The following ZCCHC7 variants were observed in gnomAD, a reference collection of about 807,000 sequenced individuals.
The protein encoded by ZCCHC7 is zinc finger CCHC-type containing 7, also known as zinc finger CCHC domain-containing protein 7.
Under a neutral mutation model 52.0 loss-of-function variants are expected in ZCCHC7, and 35 were observed. That is an observed-to-expected ratio of 0.67 (90% CI 0.51 to 0.89). ZCCHC7 has a LOEUF of 0.89. Ranked by LOEUF, ZCCHC7 falls within the 40% of genes least tolerant of loss-of-function variation. ZCCHC7 has a pLI of 0.00. For synonymous variants in ZCCHC7, 217 were observed against 221.5 expected (o/e 0.98, Z 0.18); for missense variants, 574 against 649.1 (o/e 0.88, Z 1.26).
intron 2 of ZCCHC7, among the ~76,000 whole-genome samples, chr9:37,184,855 CG>C (rs1822566490): frequency 6.6e-6 from 1 of 152,022 alleles, no homozygotes. Context: ...ATTGTTTTTA[CG>C]TATGAATGTT....
chr9:37,253,959 AGTT>A (rs1176876298), intron 2 of ZCCHC7, among the ~76,000 whole-genome samples: 3 of 151,960 alleles, frequency 2.0e-5, no homozygotes, highest in South Asian at 2.1e-4. Context: ...CAGTTTTGCC[AGTT>A]GTTTAAATTT....
chr9:37,350,122 T>TG (rs1208703411), intron 7 of ZCCHC7, among the ~76,000 whole-genome samples: 2 of 137,996 alleles, frequency 1.4e-5, no homozygotes, highest in African/African-American at 2.9e-5. Flanking sequence ...GGGGTTTGTT[T>TG]TTTTTTTTTT....
Position 37,199,706 on chromosome 9 carries a change from TTCTG to T in ZCCHC7, c.610+72768_610+72771del, listed in dbSNP as rs1297275847. Among the ~76,000 whole-genome samples, 11 of 149,600 alleles carry T rather than the reference TTCTG, an allele frequency of 7.4e-5. 1 individual carries two copies. The highest frequency in any genetic ancestry group is 4.0e-4 in the East Asian group (2 of 5,024). On this transcript the variant is annotated intron_variant, in intron 2 of 8. Coordinates refer to ENST00000336755, the MANE Select transcript of ZCCHC7 (RefSeq NM_032226.3). ...TGTCTGTCTTTCTGTCTGTCTTTCTTTCTGTCTTTCTTTCTTTCTTTCTCCTTTT... is the reference window on the plus strand; with the variant it reads ...TGTCTGTCTTTCTGTCTGTCTTTCTTTCTTTCTTTCTTTCTTTCTCCTTTT...
At chr9:37,154,642 T>G (rs1259983376) in intron 2 of ZCCHC7, among the ~76,000 whole-genome samples, 1 of 150,088 alleles carries the variant, frequency 6.7e-6, no homozygotes, top group African/African-American at 2.5e-5. Flanking sequence ...CCACCATGCC[T>G]GGGTGATTTT....
intron 2 of ZCCHC7, among the ~76,000 whole-genome samples, chr9:37,134,802 C>T (rs549943011): frequency 1.3e-5 from 2 of 152,200 alleles, no homozygotes; most frequent in South Asian, 2.1e-4. Flanking sequence ...CTCAGCTCAC[C>T]GCAACTTCCG....
At chr9:37,268,106 G>A (rs550441896) in intron 2 of ZCCHC7, among the ~76,000 whole-genome samples, 117 of 152,280 alleles carry the variant, frequency 7.7e-4, no homozygotes, top group Middle Eastern at 6.8e-3. Flanking sequence ...TCACTAACTT[G>A]ATTGGAAGTT....
chr9:37,252,050 A>G (rs1294900022), intron 2 of ZCCHC7, among the ~76,000 whole-genome samples: 1 of 152,128 alleles, frequency 6.6e-6, no homozygotes, highest in Non-Finnish European at 1.5e-5. Context: ...ACATACCATT[A>G]TTTAATAATA....
At chr9:37,212,532 T>TAAAA in intron 2 of ZCCHC7, among the ~76,000 whole-genome samples, 1 of 152,308 alleles carries the variant, frequency 6.6e-6, no homozygotes, top group Non-Finnish European at 1.5e-5. Flanking sequence ...CTTTTCTTTT[T>TAAAA]AGTTGGCTAT....
chr9:37,133,929 G>A (rs1444735507), intron 2 of ZCCHC7, among the ~76,000 whole-genome samples: 4 of 152,114 alleles, frequency 2.6e-5, no homozygotes, highest in African/African-American at 9.7e-5. Context: ...TCAGCATGTT[G>A]GCTAGACTGG....
chr9:37,195,030 T>C (rs1823217964), intron 2 of ZCCHC7, among the ~76,000 whole-genome samples: 1 of 147,632 alleles, frequency 6.8e-6, no homozygotes, highest in African/African-American at 2.5e-5. Flanking sequence ...CACTGCAACC[T>C]CCACCACCCG....
At chr9:37,128,706 A>G (rs1005394763) in intron 2 of ZCCHC7, among the ~76,000 whole-genome samples, 3 of 152,218 alleles carry the variant, frequency 2.0e-5, no homozygotes, top group Admixed American at 2.0e-4. Context: ...AAATCATTGC[A>G]CTTGAGTGAA....
intron 2 of ZCCHC7, among the ~76,000 whole-genome samples, chr9:37,133,511 G>A (rs887830472): frequency 2.6e-5 from 4 of 151,542 alleles, no homozygotes; most frequent in Non-Finnish European, 5.9e-5. Flanking sequence ...GAATAGCTGC[G>A]AATGCAGGTA....
chr9:37,276,570 A>G (rs1472657323), intron 2 of ZCCHC7, among the ~76,000 whole-genome samples: 1 of 152,202 alleles, frequency 6.6e-6, no homozygotes, highest in African/African-American at 2.4e-5. Flanking sequence ...GCAGTCCCTC[A>G]ATAGATGTTA....
intron 2 of ZCCHC7, among the ~76,000 whole-genome samples, chr9:37,289,093 A>G (rs901999243): frequency 6.7e-6 from 1 of 150,020 alleles, no homozygotes; most frequent in African/African-American, 2.4e-5. Context: ...AGTAATTATC[A>G]TTTTAGTTGC....
intron 2 of ZCCHC7, among the ~76,000 whole-genome samples, chr9:37,291,898 G>T (rs925768949): frequency 2.0e-5 from 3 of 152,140 alleles, no homozygotes; most frequent in African/African-American, 7.2e-5. Flanking sequence ...TCTCCATGTT[G>T]GTCAGGCTGG....
chr9:37,130,359 T>C (rs1842727140), intron 2 of ZCCHC7, among the ~76,000 whole-genome samples: 1 of 142,734 alleles, frequency 7.0e-6, no homozygotes, highest in South Asian at 2.3e-4. Context: ...TTTTTTTTTT[T>C]TTTTTATAGC....
intron 2 of ZCCHC7, among the ~76,000 whole-genome samples, chr9:37,258,719 G>C (rs1826712887): frequency 1.6e-5 from 2 of 126,398 alleles, no homozygotes; most frequent in Middle Eastern, 5.6e-3. Flanking sequence ...TCGTGCCACT[G>C]CACTTTAGCC....
intron 2 of ZCCHC7, among the ~76,000 whole-genome samples, chr9:37,210,952 A>G (rs2133212190): frequency 6.6e-6 from 1 of 152,230 alleles, no homozygotes; most frequent in East Asian, 1.9e-4. Flanking sequence ...TCCTGTACAC[A>G]TACTCCCTAG....
chr9:37,351,858 C>T (rs1447786390), intron 7 of ZCCHC7, among the ~76,000 whole-genome samples: 1 of 152,152 alleles, frequency 6.6e-6, no homozygotes. Flanking sequence ...CTAGTCACTT[C>T]TGTTAAGGCA....
Sources: allele counts gnomAD v4.1 joint callset (sites outside exome capture counted in the v4.1 genomes callset), GRCh38; gene constraint gnomAD v4.1.1; transcripts MANE v1.5; gene names NCBI Gene and HGNC (gene_info 2026-07-23, HGNC 2026-07-21).